Variants in PDE4DIP observed in about 807,000 individuals in gnomAD.
PDE4DIP encodes phosphodiesterase 4D interacting protein, also known as myomegalin.
A neutral mutation model predicts 221.4 loss-of-function variants in PDE4DIP; 59 were observed. The observed-to-expected ratio is 0.27, with a 90% CI of 0.22 to 0.33. The LOEUF (loss-of-function observed/expected upper bound fraction) is 0.33. Ranked by LOEUF, PDE4DIP falls within the 10% of genes least tolerant of loss-of-function variation. The probability of loss-of-function intolerance (pLI) is 1.00; values close to 1 mark genes in which losing one functional copy is unlikely to be tolerated. For synonymous variants in PDE4DIP, 404 were observed against 815.9 expected (o/e 0.50, Z 8.60); for missense variants, 1,036 against 2,154.2 (o/e 0.48, Z 10.28).
At chr1:148,952,110 C>G in intron 5 of PDE4DIP, 2 of 1,022,754 alleles carry the variant, frequency 2.0e-6, no homozygotes, top group East Asian at 6.4e-5. Flanking sequence ...CCTCGACATC[C>G]TGCAGAGGCG....
intron 1 of PDE4DIP, among the ~76,000 whole-genome samples, chr1:148,827,533 C>T (rs1394015867): frequency 4.8e-4 from 42 of 87,950 alleles, no homozygotes; most frequent in African/African-American, 1.3e-3. Flanking sequence ...GGATTATAGG[C>T]GTGAGCCACC....
At chr1:148,905,223 G>T (rs1468649685) in intron 1 of PDE4DIP, among the ~76,000 whole-genome samples, 1 of 124,086 alleles carries the variant, frequency 8.1e-6, no homozygotes. Context: ...TTGCTCTGTC[G>T]CCTAGGCTGG....
At chr1:148,955,194 A>G (rs1278985283) in intron 5 of PDE4DIP, among the ~76,000 whole-genome samples, 6 of 152,214 alleles carry the variant, frequency 3.9e-5, no homozygotes, top group Admixed American at 6.5e-5. Flanking sequence ...TTTTTCTTTC[A>G]GTGGAGCCTC....
intron 22 of PDE4DIP, among the ~76,000 whole-genome samples, chr1:148,994,967 G>GC (rs1480997846): frequency 1.3e-5 from 2 of 152,130 alleles, no homozygotes; most frequent in African/African-American, 2.4e-5. Flanking sequence ...AATGACAGGA[G>GC]CTCTCCCCCA....
intron 16 of PDE4DIP, among the ~76,000 whole-genome samples, chr1:148,972,828 A>T (rs1470424245): frequency 6.6e-6 from 1 of 150,408 alleles, no homozygotes; most frequent in African/African-American, 2.5e-5. Context: ...TCTCCTTTTC[A>T]GATAGCTTTG....
intron 1 of PDE4DIP, among the ~76,000 whole-genome samples, chr1:148,820,715 G>T (rs1336931709): frequency 3.0e-4 from 27 of 89,970 alleles, no homozygotes; most frequent in African/African-American, 8.9e-4. Flanking sequence ...CTTTTTTTTT[G>T]GGGGGGGGGT....
chr1:148,959,020 T>TAA (rs1482429017), intron 5 of PDE4DIP, among the ~76,000 whole-genome samples: 1 of 151,298 alleles, frequency 6.6e-6, no homozygotes, highest in African/African-American at 2.4e-5. Flanking sequence ...TGCTGCCTCA[T>TAA]AAAGACCTTT....
chr1:148,963,530 G>A lies in PDE4DIP; in HGVS notation c.1194+890G>A, dbSNP rs186524464. ...AGGAATATCTAGGAAAGGAGTCAAG[G>A]AAAAGGAATCAAGGAAAACTTCATG... On this transcript the variant is annotated intron_variant, in intron 9 of 43. Transcript: ENST00000369354. Among the ~76,000 whole-genome samples, 326 of 151,270 alleles carry A rather than the reference G, an allele frequency of 2.2e-3. 1 individual carries two copies. The highest frequency in any genetic ancestry group is 6.8e-3 in the Middle Eastern group (2 of 292).
At chr1:148,968,859 C>T (rs2058665974) in exon 14 of PDE4DIP, 1 of 1,612,876 alleles carries the variant, frequency 6.2e-7, no homozygotes, top group South Asian at 1.1e-5. Context: ...CACTGCTCTG[C>T]AAACTTGGAC....
At chr1:148,940,745 C>A (rs1458233568) in intron 5 of PDE4DIP, among the ~76,000 whole-genome samples, 1 of 147,964 alleles carries the variant, frequency 6.8e-6, no homozygotes, top group Non-Finnish European at 1.5e-5. Context: ...CCTCCCATAG[C>A]ATATTTCCTT....
chr1:148,821,070 C>G (rs1205671964), intron 1 of PDE4DIP, among the ~76,000 whole-genome samples: 1 of 149,894 alleles, frequency 6.7e-6, no homozygotes, highest in Non-Finnish European at 1.5e-5. Flanking sequence ...CCAGGATGGT[C>G]TCGATCTCCT....
rs782388723 is a variant in PDE4DIP, at chr1:148,968,973, T to A, written c.1923T>A (p.His641Gln). The change falls in exon 14 of 44, where the codon CAT (histidine) becomes CAA (glutamine). Residue 641 changes from histidine (H) to glutamine (Q), a missense_variant. His to Gln is a conservative substitution (Grantham distance 24, BLOSUM62 0). Transcript: ENST00000369354. ...ATCGAAATAAACAAGTGCTGGAACATGAAATGGAGATTCAAGGCCTGCTTC... is the reference window on the plus strand; with the variant it reads ...ATCGAAATAAACAAGTGCTGGAACAAGAAATGGAGATTCAAGGCCTGCTTC... 4.3e-6 allele frequency: 7 copies of A among 1,611,420 alleles called. No individual in the cohort carries two copies. The African/African-American group carries it at 9.3e-5, about 22-fold the overall frequency.
At chr1:148,944,774 G>T (rs1553482387) in intron 5 of PDE4DIP, among the ~76,000 whole-genome samples, 1 of 152,102 alleles carries the variant, frequency 6.6e-6, no homozygotes. Context: ...GGGAGGCTGA[G>T]GCAGGAGAAT....
At chr1:148,965,284 GCTTA>G (rs1385796627) in intron 9 of PDE4DIP, among the ~76,000 whole-genome samples, 196 bp from the exon 13 acceptor site, 9 of 150,760 alleles carry the variant, frequency 6.0e-5, no homozygotes, top group Admixed American at 2.0e-4. Context: ...ATAATATCAA[GCTTA>G]CTTCCTACCC....
At chr1:148,828,922 T>TTGAA (rs1320664250) in intron 1 of PDE4DIP, among the ~76,000 whole-genome samples, 15 of 151,114 alleles carry the variant, frequency 9.9e-5, no homozygotes, top group East Asian at 9.7e-4. Context: ...TAATTATTTA[T>TTGAA]TGAATGAATG....
At chr1:148,988,512 A>T (rs1256213733) in intron 21 of PDE4DIP, among the ~76,000 whole-genome samples, 1 of 36,422 alleles carries the variant, frequency 2.7e-5, no homozygotes, top group African/African-American at 1.1e-4. Context: ...AAGACAGTCT[A>T]TCTCCATAGT....
chr1:149,023,264 C>T (rs1433174324), intron 37 of PDE4DIP, among the ~76,000 whole-genome samples: 1 of 152,122 alleles, frequency 6.6e-6, no homozygotes, highest in African/African-American at 2.4e-5. Flanking sequence ...ATTCATAAGT[C>T]TTTATTTATC....
At chr1:148,990,232 G>T in intron 21 of PDE4DIP, 5 of 984,736 alleles carry the variant, frequency 5.1e-6, no homozygotes, top group Non-Finnish European at 6.0e-6. Context: ...AATTCAAATT[G>T]GTAAAAGGCT....
intron 21 of PDE4DIP, chr1:148,983,449 A>C (rs139837098): frequency 6.6e-6 from 1 of 152,324 alleles, no homozygotes; most frequent in Non-Finnish European, 1.5e-5. Context: ...TCTTAATGTC[A>C]TAAATGTGAC....
Sources: allele counts gnomAD v4.1 joint callset (sites outside exome capture counted in the v4.1 genomes callset), GRCh38; gene constraint gnomAD v4.1.1; transcripts MANE v1.5; gene names NCBI Gene and HGNC (gene_info 2026-07-23, HGNC 2026-07-21).